The following PYROXD1 variants were observed in gnomAD, a reference collection of about 807,000 sequenced individuals.
The protein encoded by PYROXD1 is tRNA ligase complex-associated NAD(P)H dehydrogenase PYROXD1.
Under a neutral mutation model 62.0 loss-of-function variants are expected in PYROXD1, and 42 were observed. The observed-to-expected ratio is 0.68, with a 90% CI of 0.53 to 0.88. PYROXD1 has a LOEUF of 0.88. Ranked by LOEUF, PYROXD1 falls within the 40% of genes least tolerant of loss-of-function variation. PYROXD1 has a pLI of 0.00. For synonymous variants in PYROXD1, 170 were observed against 206.4 expected (o/e 0.82, Z 1.51); for missense variants, 493 against 604.8 (o/e 0.82, Z 1.94).
chr12:21,445,612 G>GA (rs1334623385), intron 3 of PYROXD1, 146 bp downstream of exon 3: 8 of 847,182 alleles, frequency 9.4e-6, no homozygotes, highest in Non-Finnish European at 1.4e-5. Context: ...AGTATTATTA[G>GA]AAAAAATACA....
At chr12:21,460,671 C>A (rs887819788) in intron 7 of PYROXD1, among the ~76,000 whole-genome samples, 1 of 152,122 alleles carries the variant, frequency 6.6e-6, no homozygotes, top group Non-Finnish European at 1.5e-5. Context: ...GATCCACCTG[C>A]GCCTCGGCCT....
intron 2 of PYROXD1, among the ~76,000 whole-genome samples, chr12:21,443,217 A>G (rs1225914247): frequency 6.6e-6 from 1 of 152,204 alleles, no homozygotes; most frequent in East Asian, 1.9e-4. Flanking sequence ...TTAATCTTCT[A>G]TTCTTTTTCT....
chr12:21,456,952 T>C, intron 7 of PYROXD1: 1 of 437,318 alleles, frequency 2.3e-6, no homozygotes, highest in South Asian at 1.6e-5. Context: ...AACTCATCTT[T>C]TCAAATTTTA....
Position 21,468,887 on chromosome 12 carries a change from G to C in PYROXD1, c.*133G>C. On this transcript the variant is annotated 3_prime_UTR_variant, in exon 12 of 12. Coordinates refer to ENST00000240651, the MANE Select transcript of PYROXD1 (RefSeq NM_024854.5). ...TACAGAAGTGATAATGATATTAGTG[G>C]AAAAATATAAAAACATAAATTCTAA... 3.7e-6 allele frequency: 3 copies of C among 806,736 alleles called. No homozygotes were observed. In the South Asian group the frequency reaches 5.9e-5, roughly 16 times the overall value. 50.0% of individuals were successfully genotyped at this position (806,736 alleles called of 1,614,324 possible).
At chr12:21,450,158 G>C (rs984211944) in intron 4 of PYROXD1, among the ~76,000 whole-genome samples, 2 of 151,802 alleles carry the variant, frequency 1.3e-5, no homozygotes, top group East Asian at 3.9e-4. Flanking sequence ...GTGAGCCACC[G>C]TGCCCAGCCT....
chr12:21,457,155 G>A (rs1484178911), intron 7 of PYROXD1: 2 of 211,696 alleles, frequency 9.4e-6, no homozygotes, highest in Non-Finnish European at 1.8e-5. Flanking sequence ...AATCATGAAT[G>A]TTCTTAATAA....
Position 21,468,920 on chromosome 12 carries a change from A to G in PYROXD1, c.*166A>G, listed in dbSNP as rs1942856534. 4.5e-6 allele frequency: 3 copies of G among 660,136 alleles called. No individual in the cohort carries two copies. The highest frequency in any genetic ancestry group is 7.3e-6 in the Non-Finnish European group (3 of 409,632). 40.9% of individuals were successfully genotyped at this position (660,136 alleles called of 1,614,324 possible). A position where few individuals can be genotyped will look rare whatever the true frequency, so the allele number is the denominator to read the frequency against. On this transcript the variant is annotated 3_prime_UTR_variant, in exon 12 of 12. Transcript: ENST00000240651. ...TAAAAACATAAATTCTAAGTTTGAA[A>G]TCAGTTCAAAGTTTATTTATAGATA...
At chr12:21,453,197 T>C (rs7966443) in intron 5 of PYROXD1, among the ~76,000 whole-genome samples, 74,936 of 151,758 alleles carry the variant, frequency 0.49, 18,529 homozygotes, top group Middle Eastern at 0.59. Flanking sequence ...ATAATTGTTA[T>C]TTACATTTAA....
At chr12:21,441,054 AC>A (rs1942284276) in intron 2 of PYROXD1, among the ~76,000 whole-genome samples, 1 of 152,032 alleles carries the variant, frequency 6.6e-6, no homozygotes, top group African/African-American at 2.4e-5. Flanking sequence ...ATGGAGTCTC[AC>A]CCTGTTGCCC....
At chr12:21,456,243 A>T (rs1399232838) in intron 7 of PYROXD1, 148 bp downstream of exon 7, 5 of 580,240 alleles carry the variant, frequency 8.6e-6, no homozygotes, top group Admixed American at 6.6e-5. Flanking sequence ...CCTCCAATGC[A>T]GTTGGTCCAT....
chr12:21,445,309 T>A (rs1054429391), intron 2 of PYROXD1, 38 bp from the exon 3 acceptor site: 1 of 1,491,668 alleles, frequency 6.7e-7, no homozygotes, highest in African/African-American at 1.4e-5. Flanking sequence ...AGAAAATACT[T>A]TAAAAATATA....
intron 5 of PYROXD1, among the ~76,000 whole-genome samples, 169 bp downstream of exon 5, chr12:21,452,323 A>AT (rs1439819535): frequency 5.9e-5 from 9 of 152,190 alleles, no homozygotes; most frequent in Non-Finnish European, 1.2e-4. Context: ...AAGGGGAAAA[A>AT]TCCACCATAT....
chr12:21,457,523 A>G (rs1942620683), intron 7 of PYROXD1, among the ~76,000 whole-genome samples: 2 of 151,426 alleles, frequency 1.3e-5, no homozygotes, highest in South Asian at 4.2e-4. Flanking sequence ...GTATTACTCC[A>G]TTCTCACAGT....
rs140119792 is a variant in PYROXD1 at position 21,443,539 on chromosome 12, T to G, written c.166-1808T>G. ...AACTTTTTTTTTCCTGTAGCTCAACTGTTAAAAAGTTTTGCCCTGACATCC... is the reference window on the plus strand; with the variant it reads ...AACTTTTTTTTTCCTGTAGCTCAACGGTTAAAAAGTTTTGCCCTGACATCC... On this transcript the variant is annotated intron_variant, in intron 2 of 11. Coordinates refer to ENST00000240651, the MANE Select transcript of PYROXD1 (RefSeq NM_024854.5). Among the ~76,000 whole-genome samples, 1,159 of 152,288 alleles carry G rather than the reference T, an allele frequency of 7.6e-3. 9 individuals are homozygous for G. Among genetic ancestry groups the G allele is most frequent in the Middle Eastern group, 0.048 (14 of 294 alleles).
At chr12:21,459,607 G>A (rs1026518717) in intron 7 of PYROXD1, among the ~76,000 whole-genome samples, 1 of 152,208 alleles carries the variant, frequency 6.6e-6, no homozygotes, top group African/African-American at 2.4e-5. Flanking sequence ...ATTGGAAGTG[G>A]AAGACAGTCT....
intron 7 of PYROXD1, among the ~76,000 whole-genome samples, chr12:21,459,528 G>A (rs988896610): frequency 2.0e-5 from 3 of 152,290 alleles, no homozygotes; most frequent in East Asian, 1.9e-4. Flanking sequence ...AAAGGGGCTC[G>A]TGGGAGCCCC....
intron 7 of PYROXD1, among the ~76,000 whole-genome samples, chr12:21,459,730 T>C (rs1032959629): frequency 2.6e-5 from 4 of 152,200 alleles, no homozygotes; most frequent in Non-Finnish European, 5.9e-5. Flanking sequence ...CAGAATTAAT[T>C]GCTTGCTTAG....
chr12:21,446,511 AT>A (rs35292792), intron 3 of PYROXD1, among the ~76,000 whole-genome samples: 73,450 of 147,552 alleles, frequency 0.5, 17,920 homozygotes, highest in Middle Eastern at 0.59. Flanking sequence ...GATAAAATAG[AT>A]TTTTTTTTTT....
At position 21,455,355 on chromosome 12, in the gene PYROXD1, G is replaced by A. The variant is rs145682054; in HGVS notation, c.649+63G>A. 9.8e-6 allele frequency: 10 copies of A among 1,017,774 alleles called. No individual in the cohort carries two copies. In the East Asian group the frequency reaches 2.9e-4, roughly 29 times the overall value. 63.0% of individuals were successfully genotyped at this position (1,017,774 alleles called of 1,614,324 possible). A position where few individuals can be genotyped will look rare whatever the true frequency, so the allele number is the denominator to read the frequency against. Reference sequence around the variant, plus strand: ...ACTTTTTTAAAACCATATAGAAAAGGGCTACAAGAAAATTTAATAAAATAA... The same window carrying A: ...ACTTTTTTAAAACCATATAGAAAAGAGCTACAAGAAAATTTAATAAAATAA... On this transcript the variant is annotated intron_variant, in intron 6 of 11. Coordinates refer to ENST00000240651, the MANE Select transcript of PYROXD1 (RefSeq NM_024854.5).
Sources: gnomAD v4.1 joint callset for allele counts (sites outside exome capture counted in the v4.1 genomes callset) on GRCh38, gnomAD v4.1.1 for gene constraint, MANE v1.5 for transcripts, NCBI Gene and HGNC (gene_info 2026-07-23, HGNC 2026-07-21) for gene names.